BLTP3A: variants seen among roughly 807,000 people sequenced by gnomAD.
The protein encoded by BLTP3A is ICBP90 binding protein 1.
the BLTP3A span, among the ~76,000 whole-genome samples, chr6:34,827,989 T>A: frequency 6.6e-6 from 1 of 152,178 alleles, no homozygotes; most frequent in Admixed American, 6.6e-5. Context: ...AGATGGTTTT[T>A]AAATTTATTT....
At chr6:34,843,296 A>AT in the BLTP3A span, among the ~76,000 whole-genome samples, 352 of 147,254 alleles carry the variant, frequency 2.4e-3, 5 homozygotes, top group African/African-American at 1.2e-3. Flanking sequence ...TGTTACTTTT[A>AT]TTTTTTTTTT....
the BLTP3A span, among the ~76,000 whole-genome samples, chr6:34,805,202 G>A: frequency 6.6e-6 from 1 of 152,056 alleles, no homozygotes; most frequent in Admixed American, 6.6e-5. Flanking sequence ...GATCACCTTA[G>A]CCTGAGAGGT....
chr6:34,871,910 G>C, the BLTP3A span: 854 of 1,614,138 alleles, frequency 5.3e-4, 2 homozygotes, highest in Non-Finnish European at 5.9e-4. Context: ...CCACAGGAGA[G>C]GTTTTTGAAC....
At chr6:34,862,584 C>T in the BLTP3A span, among the ~76,000 whole-genome samples, 5 of 151,974 alleles carry the variant, frequency 3.3e-5, no homozygotes, top group African/African-American at 4.8e-5. Flanking sequence ...CCTGTAATCC[C>T]GGCACTTTGG....
At chr6:34,821,396 T>C in the BLTP3A span, 1 of 358,768 alleles carries the variant, frequency 2.8e-6, no homozygotes, top group Non-Finnish European at 5.1e-6. Context: ...AGGTCTCACC[T>C]AACATCTTAT....
chr6:34,843,659 G>T, the BLTP3A span, among the ~76,000 whole-genome samples: 1 of 152,084 alleles, frequency 6.6e-6, no homozygotes, highest in Non-Finnish European at 1.5e-5. Context: ...GTTGACTTAG[G>T]TTGCTTCCAA....
chr6:34,836,502 G>A, the BLTP3A span, among the ~76,000 whole-genome samples: 1 of 152,210 alleles, frequency 6.6e-6, no homozygotes, highest in African/African-American at 2.4e-5. Context: ...CAGCCCTCCT[G>A]TGGTAGCCCT....
chr6:34,832,131 T>TA, the BLTP3A span, among the ~76,000 whole-genome samples: 5 of 151,318 alleles, frequency 3.3e-5, no homozygotes, highest in Non-Finnish European at 1.5e-5. Flanking sequence ...TTCTTTTTTT[T>TA]TTTTTTAAGA....
chr6:34,870,351 G>A, the BLTP3A span, among the ~76,000 whole-genome samples: 1 of 152,116 alleles, frequency 6.6e-6, no homozygotes, highest in African/African-American at 2.4e-5. Flanking sequence ...GTACCAATTT[G>A]CAGTTCCATA....
At chr6:34,801,047 T>C in the BLTP3A span, among the ~76,000 whole-genome samples, 1 of 152,294 alleles carries the variant, frequency 6.6e-6, no homozygotes, top group African/African-American at 2.4e-5. Context: ...GGCCTAGATA[T>C]ATTATAAAAT....
the BLTP3A span, among the ~76,000 whole-genome samples, chr6:34,843,358 T>C: frequency 6.6e-6 from 1 of 152,226 alleles, no homozygotes; most frequent in Non-Finnish European, 1.5e-5. Flanking sequence ...TATTATTTAA[T>C]TCTGTAATAG....
chr6:34,823,890 G>T, the BLTP3A span, among the ~76,000 whole-genome samples: 1 of 151,884 alleles, frequency 6.6e-6, no homozygotes, highest in Non-Finnish European at 1.5e-5. Flanking sequence ...GTATGTGCAT[G>T]TGGACACTAT....
chr6:34,861,619 A>G, the BLTP3A span, among the ~76,000 whole-genome samples: 7 of 152,368 alleles, frequency 4.6e-5, no homozygotes, highest in Admixed American at 3.9e-4. Flanking sequence ...ATGGTTATGC[A>G]TATAATATCC....
At chr6:34,876,124 CT>C in the BLTP3A span, 1 of 152,600 alleles carries the variant, frequency 6.6e-6, no homozygotes, top group East Asian at 1.9e-4. Context: ...TTTAACTGGG[CT>C]GCAAGGATGG....
chr6:34,853,183 C>T, the BLTP3A span, among the ~76,000 whole-genome samples: 1 of 152,078 alleles, frequency 6.6e-6, no homozygotes, highest in East Asian at 1.9e-4. Flanking sequence ...AGTTGTTTTT[C>T]GTTTGTGTTT....
At chr6:34,843,259 T>C in the BLTP3A span, among the ~76,000 whole-genome samples, 1 of 152,160 alleles carries the variant, frequency 6.6e-6, no homozygotes, top group Non-Finnish European at 1.5e-5. Context: ...GTTGGGATTA[T>C]GGGTGTGATC....
chr6:34,793,705 G>A, the BLTP3A span, among the ~76,000 whole-genome samples: 1 of 152,120 alleles, frequency 6.6e-6, no homozygotes, highest in South Asian at 2.1e-4. Context: ...CATGAGTCTG[G>A]TTTTGTGTAA....
chr6:34,856,305 A>C, the BLTP3A span: 1 of 1,614,156 alleles, frequency 6.2e-7, no homozygotes, highest in Non-Finnish European at 8.5e-7. Context: ...TGGGCCCAGA[A>C]GCTGGTGATG....
At chr6:34,871,951 G>GC in the BLTP3A span, 1 of 1,605,380 alleles carries the variant, frequency 6.2e-7, no homozygotes, top group African/African-American at 1.3e-5. Flanking sequence ...AACAGTAGCT[G>GC]CCCATAACCC....
Sources: allele counts gnomAD v4.1 joint callset (sites outside exome capture counted in the v4.1 genomes callset), GRCh38; gene constraint gnomAD v4.1.1; transcripts MANE v1.5; gene names NCBI Gene and HGNC (gene_info 2026-07-23, HGNC 2026-07-21).